DIXDC1: variants seen among roughly 807,000 people sequenced by gnomAD.
DIXDC1 encodes the protein DIX domain containing 1, also known as dixin.
Under a neutral mutation model 103.1 loss-of-function variants are expected in DIXDC1, and 64 were observed. That is an observed-to-expected ratio of 0.62 (90% confidence interval 0.51 to 0.76). The LOEUF (loss-of-function observed/expected upper bound fraction) is 0.76. Among genes scored for constraint, DIXDC1 ranks in the 30% least tolerant of loss-of-function variants. DIXDC1 has a pLI of 0.00. For missense variants in DIXDC1, 759 were observed against 834.2 expected (o/e 0.91, Z 1.11); for synonymous variants, 266 against 298.5 (o/e 0.89, Z 1.12).
At chr11:111,957,266 A>G (rs1347287463) in intron 1 of DIXDC1, among the ~76,000 whole-genome samples, 1 of 152,236 alleles carries the variant, frequency 6.6e-6, no homozygotes, top group Non-Finnish European at 1.5e-5. Context: ...TGGCAGAATT[A>G]GAAAATCATC....
At chr11:112,001,861 A>G (rs587654816) in intron 17 of DIXDC1, among the ~76,000 whole-genome samples, 6 of 151,772 alleles carry the variant, frequency 4.0e-5, no homozygotes, top group Admixed American at 3.3e-4. Flanking sequence ...GGTTCAAGCA[A>G]TTCTCCTGCC....
At chr11:111,989,334 G>A (rs1555174239) in intron 10 of DIXDC1, among the ~76,000 whole-genome samples, 3 of 152,014 alleles carry the variant, frequency 2.0e-5, no homozygotes, top group Admixed American at 6.5e-5. Flanking sequence ...GTGAAAGAAT[G>A]TCCTCTAGGG....
intron 1 of DIXDC1, among the ~76,000 whole-genome samples, chr11:111,928,807 A>C (rs1293423577): frequency 6.6e-6 from 1 of 152,092 alleles, no homozygotes; most frequent in Non-Finnish European, 1.5e-5. Flanking sequence ...CTCTGTTTTC[A>C]AAGATTATTT....
chr11:111,974,821 T>C, intron 4 of DIXDC1, 55 bp from the exon 5 acceptor site: 14 of 1,587,258 alleles, frequency 8.8e-6, no homozygotes, highest in East Asian at 2.3e-5. Context: ...ACTTGTTGAG[T>C]TGATCTGATC....
At chr11:111,979,870 C>T (rs1162659481) in intron 5 of DIXDC1, among the ~76,000 whole-genome samples, 1 of 152,138 alleles carries the variant, frequency 6.6e-6, no homozygotes, top group Non-Finnish European at 1.5e-5. Flanking sequence ...AGGAGATTTG[C>T]TCAAGCCCAT....
At chr11:111,929,734 C>T in intron 1 of DIXDC1, 1 of 814,386 alleles carries the variant, frequency 1.2e-6, no homozygotes, top group Non-Finnish European at 1.9e-6. Context: ...GGGGAGGGGT[C>T]TGGCCCCAAC....
At chr11:112,004,271 T>C (rs1288865757) in intron 17 of DIXDC1, among the ~76,000 whole-genome samples, 1 of 151,992 alleles carries the variant, frequency 6.6e-6, no homozygotes, top group African/African-American at 2.4e-5. Context: ...CCCTCCTTCA[T>C]GGAGCAAGGG....
chr11:111,986,944 T>C lies in DIXDC1; in HGVS notation c.1062+20T>C, dbSNP rs1242903621. ...TTAAAGGTATGTCAAGACATGTACATTTTACCCCTTAAAAACATTATGGGG... is the reference window on the plus strand; with the variant it reads ...TTAAAGGTATGTCAAGACATGTACACTTTACCCCTTAAAAACATTATGGGG... On this transcript the variant is annotated intron_variant, in intron 9 of 19. Coordinates refer to ENST00000440460, the MANE Select transcript of DIXDC1 (RefSeq NM_001037954.4). 8 of 1,561,844 alleles carry C rather than the reference T, an allele frequency of 5.1e-6. No homozygotes were observed. The highest frequency in any genetic ancestry group is 6.9e-6 in the Non-Finnish European group (8 of 1,151,494).
At chr11:111,937,631 C>G in intron 1 of DIXDC1, 72 bp downstream of exon 1, 1 of 1,379,510 alleles carries the variant, frequency 7.2e-7, no homozygotes, top group Non-Finnish European at 1.0e-6. Flanking sequence ...CGGAAGGGGT[C>G]CTCCTCCTCC....
At chr11:111,941,864 A>C (rs183770739) in intron 1 of DIXDC1, among the ~76,000 whole-genome samples, 13 of 151,896 alleles carry the variant, frequency 8.6e-5, no homozygotes, top group Admixed American at 5.9e-4. Flanking sequence ...ACACACACAC[A>C]CACACACACC....
intron 1 of DIXDC1, among the ~76,000 whole-genome samples, chr11:111,951,216 T>C (rs1180894050): frequency 6.6e-6 from 1 of 152,112 alleles, no homozygotes; most frequent in Non-Finnish European, 1.5e-5. Flanking sequence ...TGATAGAAAA[T>C]GGAAGTTTAA....
In DIXDC1 at chr11:111,998,605, G is replaced by A. The variant is rs782600414; in HGVS notation, c.1756+2459G>A. On this transcript the variant is annotated intron_variant, in intron 17 of 19. Transcript: ENST00000440460. The surrounding 1 kb of genome is among the most constrained non-coding windows in gnomAD (Gnocchi z 4.1). The stretch of plus-strand genomic sequence containing the variant: ...GTTGCCCAGGCTGGAGTGCAATGGC[G>A]TGATCTCGACTCACTGCAAGCTCTG... Among the ~76,000 whole-genome samples, 49 of 151,958 alleles carry A rather than the reference G, an allele frequency of 3.2e-4. No homozygotes were observed. The highest frequency in any genetic ancestry group is 5.4e-4 in the Non-Finnish European group (37 of 67,996).
rs1859446315 is a variant in DIXDC1 at position 111,958,060 on chromosome 11, A to G, written c.61-6489A>G. Among the ~76,000 whole-genome samples the G allele has an allele frequency of 6.6e-6, 1 of 152,068 alleles. No homozygotes were observed. Among genetic ancestry groups the G allele is most frequent in the South Asian group, 2.1e-4 (1 of 4,832 alleles). On this transcript the variant is annotated intron_variant, in intron 1 of 19. Coordinates refer to ENST00000440460, the MANE Select transcript of DIXDC1 (RefSeq NM_001037954.4). This position sits in a 1 kb window ranked among gnomAD's most constrained non-coding sequence, Gnocchi z 4.2. ...TCCAGCTGTAGCTGCAGACCTGGGC[A>G]TCCCTGTGCTCTTGGGGGCCAGGAG... is the stretch of plus-strand genomic sequence containing the variant.
intron 6 of DIXDC1, 41 bp downstream of exon 6, chr11:111,980,890 T>G (rs1555173192): frequency 1.9e-6 from 3 of 1,555,616 alleles, no homozygotes; most frequent in African/African-American, 1.4e-5. Context: ...CAAGGAACAG[T>G]CAGCTTGAAG....
intron 5 of DIXDC1, among the ~76,000 whole-genome samples, chr11:111,980,472 T>C (rs1287358244): frequency 6.6e-6 from 1 of 152,212 alleles, no homozygotes; most frequent in African/African-American, 2.4e-5. Flanking sequence ...GTAAATCTCT[T>C]CTCAATGAAT....
chr11:111,979,767 G>A (rs782536541), intron 5 of DIXDC1, among the ~76,000 whole-genome samples: 18 of 152,192 alleles, frequency 1.2e-4, no homozygotes, highest in Non-Finnish European at 2.2e-4. Context: ...GACCAGCCTG[G>A]GTAACACGGG....
intron 3 of DIXDC1, among the ~76,000 whole-genome samples, chr11:111,969,754 T>C (rs782178423): frequency 2.0e-5 from 3 of 152,188 alleles, no homozygotes; most frequent in Admixed American, 1.3e-4. Context: ...TAGTGTTCTC[T>C]GTGTTTAGAT....
Position 111,977,165 on chromosome 11 carries a change from C to A in DIXDC1, c.656+2182C>A. 4 of 703,310 alleles carry A rather than the reference C, an allele frequency of 5.7e-6. No individual in the cohort carries two copies. Among genetic ancestry groups the A allele is most frequent in the Non-Finnish European group, 5.2e-6 (3 of 571,728 alleles). The allele number at this position is 703,310 out of a possible 1,614,324, so 43.6% of individuals were successfully genotyped here. A position where few individuals can be genotyped will look rare whatever the true frequency, so the allele number is the denominator to read the frequency against. ...GTCGACGTCCCCACCCCCACCTCCACCCCGCCCAGCCCCGCCCCTGGCCCG... is the reference window on the plus strand; with the variant it reads ...GTCGACGTCCCCACCCCCACCTCCAACCCGCCCAGCCCCGCCCCTGGCCCG... On this transcript the variant is annotated intron_variant, in intron 5 of 19. Coordinates refer to ENST00000440460, the MANE Select transcript of DIXDC1 (RefSeq NM_001037954.4). The surrounding 1 kb of genome is among the most constrained non-coding windows in gnomAD (Gnocchi z 6.1).
chr11:111,953,151 A>G (rs904849705), intron 1 of DIXDC1, among the ~76,000 whole-genome samples: 4 of 152,194 alleles, frequency 2.6e-5, no homozygotes, highest in Non-Finnish European at 5.9e-5. Context: ...AGAAAGAGAA[A>G]TAAAGGAACA....
Sources: gnomAD v4.1 joint callset for allele counts (sites outside exome capture counted in the v4.1 genomes callset) on GRCh38, gnomAD v4.1.1 for gene constraint, Gnocchi (gnomAD v3.1) non-coding constraint, MANE v1.5 for transcripts, NCBI Gene and HGNC (gene_info 2026-07-23, HGNC 2026-07-21) for gene names.